Variants in FGGY observed in about 807,000 individuals in gnomAD.
The protein encoded by FGGY is FGGY carbohydrate kinase domain containing.
A neutral mutation model predicts 71.3 loss-of-function variants in FGGY; 72 were observed. That is an observed-to-expected ratio of 1.01 (90% CI 0.84 to 1.23). The LOEUF (loss-of-function observed/expected upper bound fraction) is 1.23, where lower values mean the gene tolerates loss of function less well. Ranked by LOEUF, FGGY falls within the 50% of genes most tolerant of loss-of-function variation. The pLI is 0.00. For synonymous variants in FGGY, 251 were observed against 250.3 expected, an observed-to-expected ratio of 1.00 and a Z score of -0.02; for missense variants, 668 against 682.3, an observed-to-expected ratio of 0.98 and a Z score of 0.23.
intron 2 of FGGY, among the ~76,000 whole-genome samples, chr1:59,325,356 C>CCAACAACAACAACAACAA (rs563370217): frequency 3.3e-4 from 43 of 128,808 alleles, no homozygotes; most frequent in African/African-American, 1.2e-3. Flanking sequence ...GACTCCGTGT[C>CCAACAACAACAACAACAA]CAACAACAGC....
intron 14 of FGGY, among the ~76,000 whole-genome samples, chr1:59,756,619 T>A (rs1271876633): frequency 1.3e-5 from 2 of 152,150 alleles, no homozygotes; most frequent in Admixed American, 1.3e-4. Flanking sequence ...GCTTGGCACG[T>A]GAAAGGGAGG....
chr1:59,555,116 A>T (rs896960233), intron 8 of FGGY, among the ~76,000 whole-genome samples: 3 of 152,218 alleles, frequency 2.0e-5, no homozygotes, highest in Non-Finnish European at 4.4e-5. Context: ...ACATGTACTT[A>T]CTTATCAATC....
At chr1:59,675,111 A>AC (rs2097423404) in intron 14 of FGGY, among the ~76,000 whole-genome samples, 1 of 152,208 alleles carries the variant, frequency 6.6e-6, no homozygotes, top group South Asian at 2.1e-4. Context: ...CCTAAATGAA[A>AC]CAGCTAGTAA....
chr1:59,403,338 A>G (rs1368515301), intron 5 of FGGY, among the ~76,000 whole-genome samples: 1 of 152,144 alleles, frequency 6.6e-6, no homozygotes, highest in African/African-American at 2.4e-5. Flanking sequence ...GAACCCATTC[A>G]TTTCTTTACT....
chr1:59,443,899 G>T (rs544021079), intron 5 of FGGY, among the ~76,000 whole-genome samples: 1 of 152,282 alleles, frequency 6.6e-6, no homozygotes, highest in South Asian at 2.1e-4. Context: ...CCAGGGCATG[G>T]GACCGTGAAG....
intron 4 of FGGY, among the ~76,000 whole-genome samples, chr1:59,346,911 G>A (rs1430904784): frequency 2.0e-5 from 3 of 149,176 alleles, no homozygotes; most frequent in African/African-American, 7.4e-5. Flanking sequence ...ATGATTATAG[G>A]TGTGAACCAC....
At chr1:59,570,170 G>A (rs1054723235) in intron 8 of FGGY, among the ~76,000 whole-genome samples, 2 of 152,114 alleles carry the variant, frequency 1.3e-5, no homozygotes, top group African/African-American at 4.8e-5. Context: ...TTGCTGGAAG[G>A]GATATATGAG....
At chr1:59,363,667 G>C (rs918130758) in intron 4 of FGGY, among the ~76,000 whole-genome samples, 13 of 152,204 alleles carry the variant, frequency 8.5e-5, no homozygotes, top group Non-Finnish European at 1.9e-4. Context: ...TGTTGGACCA[G>C]TCTGTTTGGA....
chr1:59,669,330 G>T (rs935667894), intron 13 of FGGY, among the ~76,000 whole-genome samples: 3 of 152,118 alleles, frequency 2.0e-5, no homozygotes, highest in Non-Finnish European at 4.4e-5. Context: ...TTTGTAACCA[G>T]TTGATGATGA....
intron 13 of FGGY, among the ~76,000 whole-genome samples, chr1:59,671,929 C>T (rs946918766): frequency 6.6e-6 from 1 of 152,170 alleles, no homozygotes; most frequent in Non-Finnish European, 1.5e-5. Context: ...GGTTCACTCA[C>T]ATCTCTGGTT....
At chr1:59,555,217 G>GC (rs2095666399) in intron 8 of FGGY, among the ~76,000 whole-genome samples, 1 of 152,146 alleles carries the variant, frequency 6.6e-6, no homozygotes, top group Admixed American at 6.5e-5. Context: ...ATAATGTGAG[G>GC]CCCCCCAATG....
chr1:59,456,739 T>C (rs1044272646), intron 5 of FGGY, among the ~76,000 whole-genome samples: 3 of 152,214 alleles, frequency 2.0e-5, no homozygotes, highest in African/African-American at 4.8e-5. Context: ...TGTGCCACTG[T>C]GCCCAGCCAG....
At chr1:59,595,089 G>A (rs1020229640) in intron 8 of FGGY, among the ~76,000 whole-genome samples, 2 of 152,168 alleles carry the variant, frequency 1.3e-5, no homozygotes, top group Admixed American at 1.3e-4. Context: ...AAAGGAACAG[G>A]CTTTGGAGTC....
chr1:59,368,969 C>T (rs1266571276), intron 4 of FGGY, among the ~76,000 whole-genome samples: 1 of 152,132 alleles, frequency 6.6e-6, no homozygotes, highest in Admixed American at 6.5e-5. Flanking sequence ...CGGTCTACAG[C>T]TCCCAGTGTG....
chr1:59,451,116 A>G (rs531817295), intron 5 of FGGY, among the ~76,000 whole-genome samples: 36 of 151,738 alleles, frequency 2.4e-4, no homozygotes, highest in South Asian at 1.7e-3. Context: ...TGTGTGGTTT[A>G]TTGGTTTCAC....
At chr1:59,430,713 C>G (rs539131452) in intron 5 of FGGY, among the ~76,000 whole-genome samples, 1 of 152,150 alleles carries the variant, frequency 6.6e-6, no homozygotes, top group East Asian at 1.9e-4. Context: ...AGAGGTTTAC[C>G]TGAATACAGT....
chr1:59,665,425 C>T (rs1180840315), intron 12 of FGGY, among the ~76,000 whole-genome samples: 1 of 152,196 alleles, frequency 6.6e-6, no homozygotes, highest in African/African-American at 2.4e-5. Flanking sequence ...CTCAAGACCT[C>T]TGGGCTAGAA....
At chr1:59,486,060 G>A (rs767927380) in intron 6 of FGGY, among the ~76,000 whole-genome samples, 6 of 152,174 alleles carry the variant, frequency 3.9e-5, no homozygotes, top group Non-Finnish European at 7.4e-5. Flanking sequence ...ATCACTTAGA[G>A]CCCCTGTGCC....
intron 7 of FGGY, among the ~76,000 whole-genome samples, chr1:59,517,426 C>T (rs896594262): frequency 1.3e-4 from 19 of 151,588 alleles, no homozygotes; most frequent in South Asian, 2.1e-4. Context: ...CCACTATGCC[C>T]GGCTAATTTT....
Sources: allele counts gnomAD v4.1 joint callset (sites outside exome capture counted in the v4.1 genomes callset), GRCh38; gene constraint gnomAD v4.1.1; transcripts MANE v1.5; gene names NCBI Gene and HGNC (gene_info 2026-07-23, HGNC 2026-07-21).